Variants in GNPTAB observed in about 807,000 individuals in gnomAD.
GNPTAB encodes the protein N-acetylglucosamine-1-phosphotransferase subunits alpha/beta.
GNPTAB carries 92 observed loss-of-function variants against 136.6 expected under a neutral mutation model. The ratio of observed to expected loss-of-function variants is 0.67; its 90% CI spans 0.57 to 0.80. The LOEUF is 0.80. Ranked by LOEUF, GNPTAB falls within the 30% of genes least tolerant of loss-of-function variation. The probability of loss-of-function intolerance (pLI) is 0.00; values close to 1 mark genes in which losing one functional copy is unlikely to be tolerated. For missense variants in GNPTAB, 1,343 were observed against 1,501.8 expected (o/e 0.89, Z 1.75); for synonymous variants, 512 against 535.1 (o/e 0.96, Z 0.60).
intron 18 of GNPTAB, chr12:101,756,838 G>C (rs1445131673): frequency 5.3e-6 from 1 of 190,246 alleles, no homozygotes; most frequent in East Asian, 1.5e-4. Context: ...AAGCTAATCT[G>C]AACTTTACTT....
In GNPTAB at chr12:101,761,238, C is replaced by T. The variant is rs1372442247; in HGVS notation, c.3024G>A (p.Leu1008=). The T allele has an allele frequency of 6.2e-7, 1 of 1,613,656 alleles. No individual in the cohort carries two copies. The highest frequency in any genetic ancestry group is 1.3e-5 in the African/African-American group (1 of 74,934). The part of the protein sequence containing the change: ...FYYLMSAVQP[L]NISQVFDEVD... ...CTTCATCAAAGACTTGAGATATATTCAGTGGCTGCACTGCACTCATGAGAT... is the reference window on the plus strand; with the variant it reads ...CTTCATCAAAGACTTGAGATATATTTAGTGGCTGCACTGCACTCATGAGAT... Residue 1008 remains leucine (L), a synonymous_variant, in exon 15 of 21, where the codon CTG becomes CTA. Transcript: ENST00000299314.
chr12:101,811,391 T>C (rs1284546002), intron 1 of GNPTAB, among the ~76,000 whole-genome samples: 1 of 151,842 alleles, frequency 6.6e-6, no homozygotes, highest in Non-Finnish European at 1.5e-5. Context: ...TTCTTTTTTT[T>C]TTTTTCTTTT....
chr12:101,770,558 T>C lies in GNPTAB; in HGVS notation c.961A>G (p.Ser321Gly), dbSNP rs137853824. ...AGTTCTTCGTTATCTTCAAAACGAC[T>C]GGCAGAGATGTCTTCATCCTGCTTA... ...QSKQDEDISA[S>G]RFEDNEELRY... Residue 321 changes from serine to glycine, a missense_variant, in exon 9 of 21, where the codon AGT becomes GGT. Transcript: ENST00000299314. 3.1e-6 allele frequency: 5 copies of C among 1,613,500 alleles called. No homozygotes were observed. The highest frequency in any genetic ancestry group is 4.2e-6 in the Non-Finnish European group (5 of 1,179,532).
chr12:101,811,953 T>C (rs1870261314), intron 1 of GNPTAB, among the ~76,000 whole-genome samples: 1 of 149,044 alleles, frequency 6.7e-6, no homozygotes. Flanking sequence ...TACACACTTT[T>C]AAACAACCAG....
At chr12:101,830,453 C>T (rs1246751233) in intron 1 of GNPTAB, 106 bp downstream of exon 1, 5 of 697,298 alleles carry the variant, frequency 7.2e-6, no homozygotes, top group African/African-American at 3.6e-5. Context: ...GGCAAAACCC[C>T]GTCTCTAATA....
intron 4 of GNPTAB, among the ~76,000 whole-genome samples, chr12:101,788,011 G>A (rs1022812361): frequency 2.6e-5 from 4 of 151,834 alleles, no homozygotes; most frequent in South Asian, 2.1e-4. Flanking sequence ...GTGGGGAGGT[G>A]ACAATTAACA....
At position 101,770,988 on chromosome 12, in the gene GNPTAB, TC is replaced by T; in HGVS notation, c.933+7del. 2 of 1,613,670 alleles carry T rather than the reference TC, an allele frequency of 1.2e-6. No homozygotes were observed. Among genetic ancestry groups the T allele is most frequent in the Non-Finnish European group, 1.7e-6 (2 of 1,179,568 alleles). ...TTTGGGCTGTAAAAGCTTCTGTGCATCCCTTACCTGGCTGATGGCGCTCAGA... is the reference window on the plus strand; with the variant it reads ...TTTGGGCTGTAAAAGCTTCTGTGCATCCTTACCTGGCTGATGGCGCTCAGA... On this transcript the variant is annotated splice_region_variant and intron_variant, in intron 8 of 20. Coordinates refer to ENST00000299314, the MANE Select transcript of GNPTAB (RefSeq NM_024312.5).
intron 7 of GNPTAB, among the ~76,000 whole-genome samples, chr12:101,771,504 A>C (rs1244437493): frequency 6.6e-6 from 1 of 152,202 alleles, no homozygotes; most frequent in Non-Finnish European, 1.5e-5. Flanking sequence ...TTGGCCTCCC[A>C]AAGTGCTGGG....
In GNPTAB at chr12:101,796,673, T is replaced by C; in HGVS notation, c.203+4A>G. On this transcript the variant is annotated splice_donor_region_variant and intron_variant, in intron 2 of 20. Coordinates refer to ENST00000299314, the MANE Select transcript of GNPTAB (RefSeq NM_024312.5). ...ATAATAGATTTCTCCAAAATAGATC[T>C]TACCGATTCTGAAAGGACTTTCCAG... The C allele has an allele frequency of 6.3e-7, 1 of 1,577,486 alleles. No homozygotes were observed. Among genetic ancestry groups the C allele is most frequent in the Non-Finnish European group, 8.7e-7 (1 of 1,146,786 alleles).
intron 12 of GNPTAB, 59 bp downstream of exon 12, chr12:101,766,032 T>C (rs1953086907): frequency 2.8e-6 from 4 of 1,408,698 alleles, no homozygotes; most frequent in Non-Finnish European, 4.0e-6. Flanking sequence ...TTCAAAACTC[T>C]CTCTACCTGT....
rs765459722 is a variant in GNPTAB at position 101,825,414 on chromosome 12, A to G, written c.117+5145T>C. Among the ~76,000 whole-genome samples, 10 of 152,244 alleles carry G rather than the reference A, an allele frequency of 6.6e-5. No homozygotes were observed. The South Asian group carries it at 1.7e-3, about 25-fold the overall frequency. On this transcript the variant is annotated intron_variant, in intron 1 of 20. Transcript: ENST00000299314. ...GAAATAAAAGGGAACTATAAACGCT[A>G]CATCAGAGCAAAAAATTTACCTTTA...
At chr12:101,782,146 TA>T in intron 5 of GNPTAB, among the ~76,000 whole-genome samples, 1 of 152,300 alleles carries the variant, frequency 6.6e-6, no homozygotes, top group South Asian at 2.1e-4. Context: ...TTGTCCTGGA[TA>T]AGAGACTATG....
At chr12:101,771,479 G>A (rs932053038) in intron 7 of GNPTAB, among the ~76,000 whole-genome samples, 3 of 152,042 alleles carry the variant, frequency 2.0e-5, no homozygotes, top group Non-Finnish European at 4.4e-5. Context: ...CCTGACCTCA[G>A]GTGATCCACC....
intron 18 of GNPTAB, chr12:101,756,354 C>T: frequency 1.0e-5 from 2 of 190,948 alleles, no homozygotes; most frequent in South Asian, 6.7e-5. Context: ...AATTAAAATC[C>T]TAATTTCAGT....
chr12:101,780,608 G>A lies in GNPTAB; in HGVS notation c.585C>T (p.His195=). The change falls in exon 6 of 21, where the codon CAC becomes CAT. Residue 195 remains histidine, a synonymous_variant. Coordinates refer to ENST00000299314, the MANE Select transcript of GNPTAB (RefSeq NM_024312.5). ...TGCTATTTCCTTTAAGCAGTCCAGA[G>A]TGGGCATCTTCAACTACAACCAAGA... ...FDSTKDVEDA[H]SGLLKGNSRQ... The A allele has an allele frequency of 6.2e-7, 1 of 1,609,216 alleles. No homozygotes were observed. The highest frequency in any genetic ancestry group is 8.5e-7 in the Non-Finnish European group (1 of 1,175,738).
At chr12:101,756,918 TAG>T (rs1952908794) in intron 18 of GNPTAB, 1 of 296,636 alleles carries the variant, frequency 3.4e-6, no homozygotes, top group African/African-American at 2.2e-5. Context: ...AAGGCATTTC[TAG>T]AATGTCCCAG....
At chr12:101,806,623 C>A (rs1477705189) in intron 1 of GNPTAB, among the ~76,000 whole-genome samples, 2 of 152,032 alleles carry the variant, frequency 1.3e-5, no homozygotes, top group African/African-American at 4.8e-5. Flanking sequence ...ATACCTTCCC[C>A]CCTAAAAAAT....
chr12:101,750,329 G>A (rs946083711), intron 19 of GNPTAB, among the ~76,000 whole-genome samples: 3 of 152,068 alleles, frequency 2.0e-5, no homozygotes, highest in Admixed American at 6.6e-5. Context: ...CATCCAAAAC[G>A]GCACTCGCCC....
At chr12:101,761,000 C>T (rs1241351449) in intron 15 of GNPTAB, 127 bp downstream of exon 15, 6 of 731,098 alleles carry the variant, frequency 8.2e-6, no homozygotes, top group East Asian at 2.7e-5. Context: ...AGGTTGGTCT[C>T]GAACTCCTGA....
Sources: gnomAD v4.1 joint callset for allele counts (sites outside exome capture counted in the v4.1 genomes callset) on GRCh38, gnomAD v4.1.1 for gene constraint, MANE v1.5 for transcripts, NCBI Gene and HGNC (gene_info 2026-07-23, HGNC 2026-07-21) for gene names.